KIAA1586: variants seen among roughly 807,000 people sequenced by gnomAD.
The protein encoded by KIAA1586 is KIAA1586.
A neutral mutation model predicts 6.1 loss-of-function variants in KIAA1586; 5 were observed. That is an observed-to-expected ratio of 0.82 (90% CI 0.43 to 1.73). KIAA1586 has a LOEUF of 1.73. KIAA1586 is among the 40% of genes most tolerant of loss of function. The pLI is 0.02. For missense variants in KIAA1586, 899 were observed against 878.2 expected, an observed-to-expected ratio of 1.02 and a Z score of -0.30; for synonymous variants, 280 against 301.7, an observed-to-expected ratio of 0.93 and a Z score of 0.75.
At chr6:57,057,455 C>T (rs114395457), downstream of KIAA1586, among the ~76,000 whole-genome samples, 34 of 152,014 alleles carry the variant, frequency 2.2e-4, 1 homozygote, top group African/African-American at 8.2e-4. Context: ...TTGATGGCCC[C>T]AAAAGTCAAA....
intron 3 of KIAA1586, among the ~76,000 whole-genome samples, chr6:57,051,873 C>T (rs773385568): frequency 3.9e-5 from 6 of 152,094 alleles, no homozygotes; most frequent in South Asian, 2.1e-4. Flanking sequence ...ACTTGGGAGG[C>T]GGAGACATGA....
chr6:57,059,742 G>T (rs1274937048), downstream of KIAA1586, among the ~76,000 whole-genome samples: 1 of 152,080 alleles, frequency 6.6e-6, no homozygotes, highest in Non-Finnish European at 1.5e-5. Flanking sequence ...TTTTTCATCA[G>T]TTTCACATTG....
At chr6:57,051,800 G>C (rs1393391896) in intron 3 of KIAA1586, among the ~76,000 whole-genome samples, 1 of 152,010 alleles carries the variant, frequency 6.6e-6, no homozygotes, top group Non-Finnish European at 1.5e-5. Flanking sequence ...CGGGCGTGGT[G>C]GTGCATGCCT....
chr6:57,054,809 A>G lies in KIAA1586; in HGVS notation c.2310A>G (p.Gln770=), dbSNP rs772130856. 120 of 1,551,008 alleles carry G rather than the reference A, an allele frequency of 7.7e-5. No individual in the cohort carries two copies. The highest frequency in any genetic ancestry group is 9.2e-5 in the Non-Finnish European group (106 of 1,146,626). The change falls in exon 4 of 4, where the codon CAA becomes CAG. Residue 770 remains glutamine, a synonymous_variant. Transcript: ENST00000370733. ...HRLATDTRVR[Q]KSTKVFHENQ... Reference sequence around the variant, plus strand: ...TGGCTACAGATACAAGAGTTCGGCAAAAGTCAACAAAAGTCTTCCATGAGA... The same window carrying G: ...TGGCTACAGATACAAGAGTTCGGCAGAAGTCAACAAAAGTCTTCCATGAGA...
At chr6:57,057,106 T>C (rs893629306), downstream of KIAA1586, among the ~76,000 whole-genome samples, 3 of 151,728 alleles carry the variant, frequency 2.0e-5, no homozygotes, top group Non-Finnish European at 4.4e-5. Context: ...CATGCACCTG[T>C]AGTCCCAGCT....
the KIAA1586 span, among the ~76,000 whole-genome samples, chr6:57,060,810 T>G: frequency 6.6e-6 from 1 of 152,076 alleles, no homozygotes; most frequent in Non-Finnish European, 1.5e-5. Context: ...GTGATTTATT[T>G]ATTTATTTAT....
At chr6:57,056,678 A>G (rs1828504508), downstream of KIAA1586, among the ~76,000 whole-genome samples, 1 of 151,710 alleles carries the variant, frequency 6.6e-6, no homozygotes, top group African/African-American at 2.4e-5. Context: ...CTGGGAATAC[A>G]GGTACATGCC....
At chr6:57,066,748 G>A in the KIAA1586 span, among the ~76,000 whole-genome samples, 8 of 152,156 alleles carry the variant, frequency 5.3e-5, no homozygotes, top group East Asian at 7.7e-4. Context: ...GGAGATGTGC[G>A]TATGGAGTCT....
chr6:57,053,772 T>A lies in KIAA1586; in HGVS notation c.1273T>A (p.Leu425Met). The change falls in exon 4 of 4, where the codon TTG (leucine) becomes ATG (methionine). Residue 425 changes from leucine to methionine, a missense_variant. Physicochemically the swap from Leu to Met is conservative, Grantham distance 15 (BLOSUM62 2). Coordinates refer to ENST00000370733, the MANE Select transcript of KIAA1586 (RefSeq NM_020931.4). ...GAACTGTTTAAATCATCGATTACAA[T>A]TGTCACTTGATGATTCTATATCCGA... is the stretch of plus-strand genomic sequence containing the variant. ...IWNCLNHRLQ[L>M]SLDDSISEIK... 6 of 1,582,182 alleles carry A rather than the reference T, an allele frequency of 3.8e-6. No homozygotes were observed. Among genetic ancestry groups the A allele is most frequent in the Non-Finnish European group, 5.2e-6 (6 of 1,163,594 alleles).
rs1828361078 is a variant in KIAA1586, at chr6:57,052,720, A to G, written c.221A>G (p.Asp74Gly). Residue 74 changes from aspartate (D) to glycine (G), a missense_variant, in exon 4 of 4, where the codon GAT (aspartate) becomes GGT (glycine). By Grantham distance (94) the Asp-to-Gly change is moderately conservative. Coordinates refer to ENST00000370733, the MANE Select transcript of KIAA1586 (RefSeq NM_020931.4). ...CCTAAAATGCCAAAACGACAGGGTGATTTTTTGCATTTTTTAAATGTGAAG... is the reference window on the plus strand; with the variant it reads ...CCTAAAATGCCAAAACGACAGGGTGGTTTTTTGCATTTTTTAAATGTGAAG... ...LFPKMPKRQG[D>G]FLHFLNVKKV... The G allele has an allele frequency of 3.2e-6, 5 of 1,575,988 alleles. No individual in the cohort carries two copies. Among genetic ancestry groups the G allele is most frequent in the Admixed American group, 2.0e-5 (1 of 51,110 alleles).
chr6:57,060,917 C>T, the KIAA1586 span, among the ~76,000 whole-genome samples: 1 of 151,898 alleles, frequency 6.6e-6, no homozygotes, highest in Non-Finnish European at 1.5e-5. Flanking sequence ...TCCCAAAGTG[C>T]TGGGATTACA....
downstream of KIAA1586, among the ~76,000 whole-genome samples, chr6:57,058,939 A>G (rs1177908618): frequency 6.6e-6 from 1 of 152,224 alleles, no homozygotes; most frequent in East Asian, 1.9e-4. Flanking sequence ...TCAAACTTAT[A>G]TGCTTTTGGT....
chr6:57,057,891 C>T (rs543541370), downstream of KIAA1586, among the ~76,000 whole-genome samples: 13 of 152,160 alleles, frequency 8.5e-5, no homozygotes, highest in East Asian at 2.3e-3. Context: ...TGTTTCTAGG[C>T]TCAAGCAATC....
chr6:57,053,657 A>G lies in KIAA1586; in HGVS notation c.1158A>G (p.Ala386=). 1 of 1,612,084 alleles carries G rather than the reference A, an allele frequency of 6.2e-7. No homozygotes were observed. The highest frequency in any genetic ancestry group is 8.5e-7 in the Non-Finnish European group (1 of 1,178,596). Reference sequence around the variant, plus strand: ...AATATTTGAAAGCAAATTTAATTGCATTTTGTTCTGATGGTGCTAATACAA... The same window carrying G: ...AATATTTGAAAGCAAATTTAATTGCGTTTTGTTCTGATGGTGCTAATACAA... The part of the protein sequence containing the change: ...TNEYLKANLI[A]FCSDGANTIL... Residue 386 remains alanine (A), a synonymous_variant, in exon 4 of 4, where the codon GCA becomes GCG. Coordinates refer to ENST00000370733, the MANE Select transcript of KIAA1586 (RefSeq NM_020931.4).
chr6:57,053,054 T>C lies in KIAA1586; in HGVS notation c.555T>C (p.Ile185=), dbSNP rs200880052. 1 of 1,613,530 alleles carries C rather than the reference T, an allele frequency of 6.2e-7. No homozygotes were observed. Among genetic ancestry groups the C allele is most frequent in the East Asian group, 2.2e-5 (1 of 44,856 alleles). The change falls in exon 4 of 4, where the codon ATT becomes ATC. Residue 185 remains isoleucine (I), a synonymous_variant. Coordinates refer to ENST00000370733, the MANE Select transcript of KIAA1586 (RefSeq NM_020931.4). ...ATGTCCATGTGTCCAAGGAATGGATTGCATATTTAGTAACCCCTAATGGCA... is the reference window on the plus strand; with the variant it reads ...ATGTCCATGTGTCCAAGGAATGGATCGCATATTTAGTAACCCCTAATGGCA... The part of the protein sequence containing the change: ...EKHVHVSKEW[I]AYLVTPNGSN...
intron 2 of KIAA1586, among the ~76,000 whole-genome samples, chr6:57,049,735 T>A (rs1420694119): frequency 6.6e-6 from 1 of 152,232 alleles, no homozygotes; most frequent in Non-Finnish European, 1.5e-5. Flanking sequence ...GTGGTTAACC[T>A]TCTTGAAACA....
chr6:57,060,763 A>G, the KIAA1586 span, among the ~76,000 whole-genome samples: 1 of 152,192 alleles, frequency 6.6e-6, no homozygotes, highest in South Asian at 2.1e-4. Context: ...AATTATGAAC[A>G]GATAACCAAA....
intron 2 of KIAA1586, among the ~76,000 whole-genome samples, chr6:57,047,888 A>G (rs1468928661): frequency 7.9e-6 from 1 of 127,232 alleles, no homozygotes; most frequent in Non-Finnish European, 1.6e-5. Flanking sequence ...GAAGAATCCT[A>G]CATCACTGGG....
chr6:57,059,220 GATAAT>G (rs1266668681), downstream of KIAA1586, among the ~76,000 whole-genome samples: 1 of 152,056 alleles, frequency 6.6e-6, no homozygotes, highest in African/African-American at 2.4e-5. Flanking sequence ...GTTATAAATT[GATAAT>G]ATGTTATAAA....
Sources: allele counts gnomAD v4.1 joint callset (sites outside exome capture counted in the v4.1 genomes callset), GRCh38; gene constraint gnomAD v4.1.1; transcripts MANE v1.5; gene names NCBI Gene and HGNC (gene_info 2026-07-23, HGNC 2026-07-21).